ROBO2: variants seen among roughly 807,000 people sequenced by gnomAD.
The protein encoded by ROBO2 is roundabout homolog 2.
A neutral mutation model predicts 160.8 loss-of-function variants in ROBO2; 53 were observed. That is an observed-to-expected ratio of 0.33 (90% CI 0.26 to 0.41). The LOEUF (loss-of-function observed/expected upper bound fraction) is 0.41. Among genes scored for constraint, ROBO2 ranks in the 10% least tolerant of loss-of-function variants. ROBO2 has a pLI of 1.00. For synonymous variants in ROBO2, 664 were observed against 611.7 expected (o/e 1.09, Z -1.26); for missense variants, 1,577 against 1,722.4 (o/e 0.92, Z 1.49).
chr3:77,200,284 T>C (rs1427643426), intron 2 of ROBO2, among the ~76,000 whole-genome samples: 2 of 46,068 alleles, frequency 4.3e-5, no homozygotes, highest in African/African-American at 2.5e-4. Flanking sequence ...TATATATATA[T>C]ATATATATAT....
intron 1 of ROBO2, among the ~76,000 whole-genome samples, chr3:75,915,122 A>G (rs774645671): frequency 1.8e-4 from 27 of 152,208 alleles, no homozygotes; most frequent in Non-Finnish European, 3.5e-4. Context: ...TGAGGATGAT[A>G]AATGATGTTG....
chr3:76,837,127 T>G (rs2067772974), intron 2 of ROBO2, among the ~76,000 whole-genome samples: 1 of 151,932 alleles, frequency 6.6e-6, no homozygotes. Context: ...TATTACAACG[T>G]TTTCCTATAG....
At chr3:77,231,775 C>T (rs2087251791) in intron 2 of ROBO2, among the ~76,000 whole-genome samples, 2 of 152,088 alleles carry the variant, frequency 1.3e-5, no homozygotes, top group Non-Finnish European at 2.9e-5. Context: ...TTTGTTTTCT[C>T]TCCACGGATT....
At chr3:75,993,605 T>A (rs1479326088) in intron 2 of ROBO2, among the ~76,000 whole-genome samples, 1 of 152,208 alleles carries the variant, frequency 6.6e-6, no homozygotes, top group Non-Finnish European at 1.5e-5. Flanking sequence ...TCAGTTTTTT[T>A]AATTCGCAAT....
intron 2 of ROBO2, among the ~76,000 whole-genome samples, chr3:76,126,804 T>C: frequency 6.6e-6 from 1 of 152,236 alleles, no homozygotes; most frequent in South Asian, 2.1e-4. Flanking sequence ...ATACCTGTCT[T>C]GTATTTACAG....
chr3:77,389,247 T>C (rs938060606), intron 2 of ROBO2, among the ~76,000 whole-genome samples: 3 of 152,178 alleles, frequency 2.0e-5, no homozygotes, highest in Admixed American at 6.5e-5. Flanking sequence ...CCAGGCCTTA[T>C]TTATTTTTTT....
chr3:77,374,493 T>G (rs1424733333), intron 2 of ROBO2, among the ~76,000 whole-genome samples: 1 of 152,196 alleles, frequency 6.6e-6, no homozygotes, highest in Non-Finnish European at 1.5e-5. Context: ...TCTGTTGACC[T>G]TTTTGGCCTT....
At chr3:77,311,852 C>A (rs970686286) in intron 2 of ROBO2, among the ~76,000 whole-genome samples, 1 of 152,022 alleles carries the variant, frequency 6.6e-6, no homozygotes, top group Non-Finnish European at 1.5e-5. Context: ...TTTGAGAGGC[C>A]GAGGTGGGCA....
At chr3:76,683,758 A>G (rs2107000051) in intron 2 of ROBO2, among the ~76,000 whole-genome samples, 1 of 152,248 alleles carries the variant, frequency 6.6e-6, no homozygotes, top group Admixed American at 6.6e-5. Context: ...AAACTATCCC[A>G]GGATTTTATC....
intron 2 of ROBO2, among the ~76,000 whole-genome samples, chr3:76,162,052 A>G (rs2072660711): frequency 2.0e-5 from 3 of 152,186 alleles, no homozygotes; most frequent in African/African-American, 7.2e-5. Flanking sequence ...TCTTGCTACC[A>G]TGAGTCATGA....
intron 2 of ROBO2, among the ~76,000 whole-genome samples, chr3:76,551,234 C>T (rs888856656): frequency 6.6e-6 from 1 of 152,098 alleles, no homozygotes; most frequent in African/African-American, 2.4e-5. Flanking sequence ...GAGCTGCCCA[C>T]TTTGAGTCTC....
chr3:76,215,899 G>A (rs1323038447), intron 2 of ROBO2, among the ~76,000 whole-genome samples: 1 of 152,146 alleles, frequency 6.6e-6, no homozygotes, highest in African/African-American at 2.4e-5. Context: ...AATGTTAAGG[G>A]CAGCCAGAGA....
rs144361721 is a variant in ROBO2, at chr3:76,332,403, G to A, written c.109+394801G>A. On this transcript the variant is annotated intron_variant, in intron 2 of 26. Coordinates refer to the ROBO2 transcript ENST00000487694. ...ACATTTAAAATGTCAATATAATTTC[G>A]TCAAAAATTTTTGTTATTTGACTAA... Among the ~76,000 whole-genome samples the A allele has an allele frequency of 1.5e-3, 221 of 152,080 alleles. 9 individuals carry two copies. The East Asian group carries it at 0.036, about 25-fold the overall frequency.
intron 2 of ROBO2, among the ~76,000 whole-genome samples, chr3:76,173,453 G>A (rs192475321): frequency 1.1e-4 from 17 of 151,948 alleles, no homozygotes; most frequent in African/African-American, 3.1e-4. Context: ...CTGTCAATCC[G>A]TCATCTAGGT....
chr3:76,432,138 TA>T (rs1166489757), intron 2 of ROBO2, among the ~76,000 whole-genome samples: 7 of 152,136 alleles, frequency 4.6e-5, no homozygotes. Context: ...ACACAATTAA[TA>T]AAAAGTGCAA....
At chr3:76,229,189 C>T (rs1704472725) in intron 2 of ROBO2, among the ~76,000 whole-genome samples, 1 of 151,982 alleles carries the variant, frequency 6.6e-6, no homozygotes, top group African/African-American at 2.4e-5. Flanking sequence ...CTAATGATTT[C>T]TTTCTCATAA....
intron 2 of ROBO2, among the ~76,000 whole-genome samples, chr3:77,225,782 G>A (rs1350126611): frequency 6.6e-6 from 1 of 151,892 alleles, no homozygotes; most frequent in Non-Finnish European, 1.5e-5. Context: ...ATTAACACTT[G>A]CAAGCTTATA....
intron 2 of ROBO2, among the ~76,000 whole-genome samples, chr3:77,303,803 A>G (rs939037033): frequency 6.6e-6 from 1 of 152,036 alleles, no homozygotes; most frequent in African/African-American, 2.4e-5. Context: ...ATATACATAT[A>G]TATACATATA....
intron 2 of ROBO2, among the ~76,000 whole-genome samples, chr3:76,838,756 A>G (rs1470729672): frequency 6.6e-6 from 1 of 151,706 alleles, no homozygotes; most frequent in Non-Finnish European, 1.5e-5. Flanking sequence ...TGGAATTCTT[A>G]TTTTCAACTC....
Sources: allele counts gnomAD v4.1 joint callset (sites outside exome capture counted in the v4.1 genomes callset), GRCh38; gene constraint gnomAD v4.1.1; transcripts MANE v1.5; gene names NCBI Gene and HGNC (gene_info 2026-07-23, HGNC 2026-07-21).